UQCC1: variants seen among roughly 807,000 people sequenced by gnomAD.
UQCC1 encodes the protein bFGF-repressed Zic-binding protein.
UQCC1 carries 38 observed loss-of-function variants against 48.0 expected under a neutral mutation model. The observed-to-expected ratio is 0.79, with a 90% confidence interval of 0.61 to 1.04. The LOEUF (loss-of-function observed/expected upper bound fraction) is 1.04. UQCC1 is among the 50% of genes least tolerant of loss of function. UQCC1 has a pLI of 0.00. For synonymous variants in UQCC1, 111 were observed against 129.2 expected, an observed-to-expected ratio of 0.86 and a Z score of 0.95; for missense variants, 368 against 381.8, an observed-to-expected ratio of 0.96 and a Z score of 0.30.
At chr20:35,393,972 C>T in intron 2 of UQCC1, 120 bp downstream of exon 2, 1 of 876,728 alleles carries the variant, frequency 1.1e-6, no homozygotes, top group South Asian at 1.5e-5. Flanking sequence ...ACCACAGAGA[C>T]CCAGAGTGGT....
intron 8 of UQCC1, among the ~76,000 whole-genome samples, chr20:35,312,660 A>T (rs1051055021): frequency 8.5e-5 from 13 of 152,222 alleles, no homozygotes; most frequent in African/African-American, 2.9e-4. Context: ...GTATAAAAGC[A>T]TATGGTTAGT....
At chr20:35,327,096 C>T (rs1285646440) in intron 7 of UQCC1, among the ~76,000 whole-genome samples, 1 of 152,176 alleles carries the variant, frequency 6.6e-6, no homozygotes, top group Non-Finnish European at 1.5e-5. Context: ...AATTTAGCCC[C>T]TTACTGATCT....
intron 2 of UQCC1, among the ~76,000 whole-genome samples, chr20:35,391,007 C>G (rs1408300614): frequency 6.6e-6 from 1 of 151,780 alleles, no homozygotes; most frequent in African/African-American, 2.4e-5. Context: ...ACCAGCCTGG[C>G]CAACGTGGCA....
At chr20:35,395,153 C>T (rs1482315498) in intron 1 of UQCC1, among the ~76,000 whole-genome samples, 4 of 152,120 alleles carry the variant, frequency 2.6e-5, no homozygotes, top group East Asian at 1.9e-4. Flanking sequence ...GGCTTCATTA[C>T]GTAGACATGA....
chr20:35,360,691 C>T (rs1041692113), intron 6 of UQCC1, among the ~76,000 whole-genome samples: 2 of 152,126 alleles, frequency 1.3e-5, no homozygotes, highest in South Asian at 2.1e-4. Flanking sequence ...CCAGGCAACC[C>T]CCCTTCCCCC....
intron 7 of UQCC1, among the ~76,000 whole-genome samples, chr20:35,316,670 G>A (rs1288978671): frequency 6.6e-6 from 1 of 152,056 alleles, no homozygotes; most frequent in Admixed American, 6.5e-5. Context: ...ACAGAGTCTC[G>A]CTCTGTCACC....
chr20:35,341,605 G>A (rs1451210890), intron 7 of UQCC1, among the ~76,000 whole-genome samples: 1 of 152,208 alleles, frequency 6.6e-6, no homozygotes, highest in Non-Finnish European at 1.5e-5. Flanking sequence ...CTGGAAGACA[G>A]TCAACATAAG....
chr20:35,392,081 C>T (rs987029003), intron 2 of UQCC1, among the ~76,000 whole-genome samples: 1 of 152,116 alleles, frequency 6.6e-6, no homozygotes, highest in Non-Finnish European at 1.5e-5. Flanking sequence ...ATGTCAGGCC[C>T]TTGACATACA....
At chr20:35,350,118 T>A (rs2061474121) in intron 6 of UQCC1, among the ~76,000 whole-genome samples, 1 of 152,148 alleles carries the variant, frequency 6.6e-6, no homozygotes, top group Admixed American at 6.5e-5. Context: ...CTAACAGGAA[T>A]GTCTAAAGTT....
intron 1 of UQCC1, among the ~76,000 whole-genome samples, chr20:35,399,692 A>G (rs1354426948): frequency 6.6e-6 from 1 of 151,676 alleles, no homozygotes; most frequent in Non-Finnish European, 1.5e-5. Context: ...CCCCATCTCT[A>G]CTAAAAATAC....
At chr20:35,402,269 C>A (rs956603362) in intron 1 of UQCC1, among the ~76,000 whole-genome samples, 1 of 151,938 alleles carries the variant, frequency 6.6e-6, no homozygotes, top group Admixed American at 6.6e-5. Flanking sequence ...ACAGTGAAAC[C>A]CGTCTGTACT....
At chr20:35,392,277 C>T (rs1044669411) in intron 2 of UQCC1, 7 of 1,304,232 alleles carry the variant, frequency 5.4e-6, no homozygotes, top group African/African-American at 4.6e-5. Flanking sequence ...AACCAGGGGA[C>T]CTCAAAGATA....
At chr20:35,307,340 A>C (rs1187214439) in intron 8 of UQCC1, among the ~76,000 whole-genome samples, 1 of 152,212 alleles carries the variant, frequency 6.6e-6, no homozygotes, top group Non-Finnish European at 1.5e-5. Context: ...CTCCCTAAGT[A>C]GGGGAACAGG....
At chr20:35,357,303 C>T (rs2061556448) in intron 6 of UQCC1, among the ~76,000 whole-genome samples, 1 of 152,090 alleles carries the variant, frequency 6.6e-6, no homozygotes. Context: ...GGCAGATCAC[C>T]TGAGGTCAGG....
At chr20:35,409,825 A>T (rs754371517) in intron 1 of UQCC1, among the ~76,000 whole-genome samples, 6 of 150,666 alleles carry the variant, frequency 4.0e-5, no homozygotes, top group Admixed American at 4.0e-4. Context: ...TTTTTTTTTC[A>T]GACAGAGTTT....
intron 7 of UQCC1, among the ~76,000 whole-genome samples, chr20:35,319,350 AG>A (rs1333210380): frequency 1.3e-5 from 2 of 152,222 alleles, no homozygotes; most frequent in African/African-American, 4.8e-5. Flanking sequence ...AGCACTCAAT[AG>A]GAGGCTTGGC....
chr20:35,318,145 C>T (rs2061083742), intron 7 of UQCC1, among the ~76,000 whole-genome samples: 2 of 152,196 alleles, frequency 1.3e-5, no homozygotes, highest in Admixed American at 6.5e-5. Flanking sequence ...CAGAGGAAAA[C>T]ATTCACTGAA....
At chr20:35,320,111 T>G (rs1225403107) in intron 7 of UQCC1, among the ~76,000 whole-genome samples, 1 of 152,194 alleles carries the variant, frequency 6.6e-6, no homozygotes, top group Non-Finnish European at 1.5e-5. Flanking sequence ...GGAATTCTTC[T>G]CTTCTTTATC....
At chr20:35,398,761 G>A (rs913117133) in intron 1 of UQCC1, among the ~76,000 whole-genome samples, 1 of 147,188 alleles carries the variant, frequency 6.8e-6, no homozygotes, top group Non-Finnish European at 1.5e-5. Flanking sequence ...GGTGGGGGGG[G>A]GGGGGGGGCG....
Sources: allele counts gnomAD v4.1 joint callset (sites outside exome capture counted in the v4.1 genomes callset), GRCh38; gene constraint gnomAD v4.1.1; transcripts MANE v1.5; gene names NCBI Gene and HGNC (gene_info 2026-07-23, HGNC 2026-07-21).